Variants in CLCN7 observed in about 807,000 individuals in gnomAD.
CLCN7 encodes H(+)/Cl(-) exchange transporter 7.
A neutral mutation model predicts 102.1 loss-of-function variants in CLCN7; 60 were observed. The ratio of observed to expected loss-of-function variants is 0.59; its 90% CI spans 0.48 to 0.73. The LOEUF is 0.73. Ranked by LOEUF, CLCN7 falls within the 30% of genes least tolerant of loss-of-function variation. The pLI, the probability that CLCN7 is intolerant of heterozygous loss-of-function variation, is 0.00. For synonymous variants in CLCN7, 560 were observed against 490.5 expected (o/e 1.14, Z -1.87); for missense variants, 962 against 1,125.7 (o/e 0.85, Z 2.08).
At chr16:1,454,503 A>T in intron 12 of CLCN7, 38 bp from the exon 13 acceptor site, 1 of 1,581,218 alleles carries the variant, frequency 6.3e-7, no homozygotes, top group Non-Finnish European at 8.7e-7. Flanking sequence ...GATGTGAGGG[A>T]AAAGGCCCAC....
At chr16:1,461,198 T>C (rs568448360) in intron 4 of CLCN7, among the ~76,000 whole-genome samples, 61 of 152,374 alleles carry the variant, frequency 4.0e-4, no homozygotes, top group African/African-American at 1.4e-3. Flanking sequence ...GCACCGCATC[T>C]GGCGGCCGTA....
At chr16:1,472,296 T>C (rs1031967483) in intron 1 of CLCN7, among the ~76,000 whole-genome samples, 27 of 152,222 alleles carry the variant, frequency 1.8e-4, no homozygotes, top group African/African-American at 6.5e-4. Context: ...AATGGCGTGA[T>C]CTCGGCTCAG....
chr16:1,456,179 C>G lies in CLCN7; in HGVS notation c.850G>C (p.Glu284Gln). The G allele has an allele frequency of 6.4e-7, 1 of 1,568,024 alleles. No homozygotes were observed. Among genetic ancestry groups the G allele is most frequent in the Non-Finnish European group, 8.7e-7 (1 of 1,155,680 alleles). The change falls in exon 10 of 25, where the codon GAG becomes CAG. Residue 284 changes from glutamate (E) to glutamine (Q), a missense_variant. Physicochemically the swap from Glu to Gln is conservative, Grantham distance 29. This residue lies in a region of CLCN7 where 799 missense variants were observed against 988.0 expected (regional missense o/e 0.81). Coordinates refer to ENST00000382745, the MANE Select transcript of CLCN7 (RefSeq NM_001287.6). ...KIFEYFRRDT[E>Q]KRDFVSAGAA... Reference sequence around the variant, plus strand: ...CCTGCGGAGACGAAGTCCCGCTTCTCTGTGTCTCTGCGGAAGTACTCGAAG... The same window carrying G: ...CCTGCGGAGACGAAGTCCCGCTTCTGTGTGTCTCTGCGGAAGTACTCGAAG...
intron 2 of CLCN7, among the ~76,000 whole-genome samples, chr16:1,461,963 T>C (rs1006712281): frequency 3.3e-5 from 5 of 151,732 alleles, no homozygotes; most frequent in Non-Finnish European, 7.4e-5. Flanking sequence ...TGGGCGCCTG[T>C]AATCCCAGCT....
At chr16:1,454,497 T>G (rs1265929496) in intron 12 of CLCN7, 32 bp from the exon 13 acceptor site, 1 of 1,605,422 alleles carries the variant, frequency 6.2e-7, no homozygotes, top group African/African-American at 1.3e-5. Flanking sequence ...GCAGAGGATG[T>G]GAGGGAAAAG....
Position 1,446,646 on chromosome 16 carries a change from C to G in CLCN7, c.2403G>C (p.Ser801=), listed in dbSNP as rs948593358. 1 of 1,569,546 alleles carries G rather than the reference C, an allele frequency of 6.4e-7. No homozygotes were observed. Among genetic ancestry groups the G allele is most frequent in the Non-Finnish European group, 8.6e-7 (1 of 1,157,534 alleles). The change falls in exon 25 of 25, where the codon TCG becomes TCC. Residue 801 remains serine (S), a synonymous_variant. Transcript: ENST00000382745. The stretch of plus-strand genomic sequence containing the variant: ...GGGCTGGGCCTCACGTCTGGGCCAG[C>G]GAGAGCTCCTCCAAGCCTCTCTTTC... ...RLGKRGLEEL[S]LAQT
At chr16:1,459,842 A>G (rs1170800675) in intron 6 of CLCN7, among the ~76,000 whole-genome samples, 9 of 115,638 alleles carry the variant, frequency 7.8e-5, no homozygotes, top group Admixed American at 6.2e-4. Flanking sequence ...AGGGGAGCTC[A>G]GCACACACGT....
At chr16:1,465,841 G>A (rs2038998264) in intron 1 of CLCN7, among the ~76,000 whole-genome samples, 1 of 152,244 alleles carries the variant, frequency 6.6e-6, no homozygotes, top group Non-Finnish European at 1.5e-5. Context: ...GTCAGGCAGA[G>A]CTGGGTGGGG....
intron 2 of CLCN7, among the ~76,000 whole-genome samples, chr16:1,463,220 A>G (rs2038962623): frequency 6.6e-6 from 1 of 152,204 alleles, no homozygotes; most frequent in Non-Finnish European, 1.5e-5. Context: ...AAAGACCTAA[A>G]ACTGTAAAAT....
intron 12 of CLCN7, among the ~76,000 whole-genome samples, 156 bp downstream of exon 12, chr16:1,454,978 C>G (rs2038811169): frequency 1.3e-5 from 2 of 152,250 alleles, no homozygotes; most frequent in Non-Finnish European, 1.5e-5. Context: ...TGTCTTCCTG[C>G]AGCCCCTCGG....
In CLCN7 at chr16:1,448,428, A is replaced by G; in HGVS notation, c.1940T>C (p.Ile647Thr). The G allele has an allele frequency of 6.2e-7, 1 of 1,612,394 alleles. No individual in the cohort carries two copies. The highest frequency in any genetic ancestry group is 8.5e-7 in the Non-Finnish European group (1 of 1,179,934). The part of the protein sequence containing the change: ...CLRRREKVGV[I>T]VDVLSDTASN... ...CGCCGTGTCGCTCAGCACGTCCACAATGACGCCGACCTTCTCACGCCGCCT... is the reference window on the plus strand; with the variant it reads ...CGCCGTGTCGCTCAGCACGTCCACAGTGACGCCGACCTTCTCACGCCGCCT... The change falls in exon 21 of 25, where the codon ATT (isoleucine) becomes ACT (threonine). Residue 647 changes from isoleucine (I) to threonine (T), a missense_variant. Around this residue, in one of 2 missense-constraint regions of CLCN7, gnomAD observed 799 missense variants for 988.0 expected, o/e 0.81. Coordinates refer to ENST00000382745, the MANE Select transcript of CLCN7 (RefSeq NM_001287.6).
rs1183089444 is a variant in CLCN7 at position 1,457,865 on chromosome 16, C to T, written c.676-109G>A. 69 of 1,091,514 alleles carry T rather than the reference C, an allele frequency of 6.3e-5. No homozygotes were observed. Among genetic ancestry groups the T allele is most frequent in the Middle Eastern group, 3.9e-4 (2 of 5,098 alleles). 67.6% of individuals were successfully genotyped at this position (1,091,514 alleles called of 1,614,324 possible). A position where few individuals can be genotyped will look rare whatever the true frequency, so the allele number is the denominator to read the frequency against. ...CCGATCAGGCAGAGTGGCTGGGACA[C>T]GGGGCCTCCGGGAGGGGGCCAGCAC... On this transcript the variant is annotated intron_variant, in intron 7 of 24. Transcript: ENST00000382745. This position sits in a 1 kb window ranked among gnomAD's most constrained non-coding sequence, Gnocchi z 5.4.
rs932179269 is a variant in CLCN7 at position 1,450,509 on chromosome 16, G to C, written c.1605C>G (p.Leu535=). Reference sequence around the variant, plus strand: ...CGGCCCCACTCACCGCCGCCCCCGTGAGGTAGGACAGGGAGATCCCAAAGA... The same window carrying C: ...CGGCCCCACTCACCGCCGCCCCCGTCAGGTAGGACAGGGAGATCCCAAAGA... ...GRLFGISLSY[L]TGAAIWADPG... Residue 535 remains leucine, a synonymous_variant, in exon 17 of 25, where the codon CTC becomes CTG. Transcript: ENST00000382745. The C allele has an allele frequency of 2.5e-6, 4 of 1,606,244 alleles. No individual in the cohort carries two copies. The highest frequency in any genetic ancestry group is 3.4e-4 in the Middle Eastern group (2 of 5,948).
rs1334783743 is a variant in CLCN7, at chr16:1,475,000, G to T, written c.-26C>A. 6.9e-7 allele frequency: 1 copy of T among 1,439,216 alleles called. No homozygotes were observed. Among genetic ancestry groups the T allele is most frequent in the South Asian group, 1.4e-5 (1 of 72,750 alleles). 89.2% of individuals were successfully genotyped at this position (1,439,216 alleles called of 1,614,324 possible). A position where few individuals can be genotyped will look rare whatever the true frequency, so the allele number is the denominator to read the frequency against. ...GGCCCGCCGCGGAGCGACACCGGCC[G>T]GGAAGCGCCGGCTGCCCCCGTGTTT... On this transcript the variant is annotated 5_prime_UTR_variant, in exon 1 of 25. Transcript: ENST00000382745.
chr16:1,449,035 G>A lies in CLCN7; in HGVS notation c.1728C>T (p.Asn576=), dbSNP rs772664007. The change falls in exon 19 of 25, where the codon AAC becomes AAT. Residue 576 remains asparagine, a synonymous_variant. Coordinates refer to ENST00000382745, the MANE Select transcript of CLCN7 (RefSeq NM_001287.6). ...LTVIMMEATS[N]VTYGFPIMLV... ...GCATGATGGGGAAGCCGTAGGTCACGTTGCTGGTGGCCTCCATCATGATGA... is the reference window on the plus strand; with the variant it reads ...GCATGATGGGGAAGCCGTAGGTCACATTGCTGGTGGCCTCCATCATGATGA... 1.1e-5 allele frequency: 18 copies of A among 1,612,748 alleles called. No individual in the cohort carries two copies. The highest frequency in any genetic ancestry group is 8.3e-5 in the Admixed American group (5 of 60,004).
Position 1,457,663 on chromosome 16 carries a change from C to A in CLCN7, c.738+31G>T. On this transcript the variant is annotated intron_variant, in intron 8 of 24. Coordinates refer to ENST00000382745, the MANE Select transcript of CLCN7 (RefSeq NM_001287.6). The surrounding 1 kb of genome is among the most constrained non-coding windows in gnomAD (Gnocchi z 5.4). ...CTCGCGGGCCCGGCGGCCTCAGGCT[C>A]CAGCTGGAGTGGCCATGTGCACTTT... 1 of 1,611,880 alleles carries A rather than the reference C, an allele frequency of 6.2e-7. No homozygotes were observed. The highest frequency in any genetic ancestry group is 8.5e-7 in the Non-Finnish European group (1 of 1,179,052).
At position 1,445,054 on chromosome 16, in the gene CLCN7, G is replaced by A. The variant is rs1447263686; in HGVS notation, c.*1577C>T. The stretch of plus-strand genomic sequence containing the variant: ...CCTAGGTTTCCGGCGCCGACTCTGA[G>A]GCCCGGGAGTTTTCTTCTTGCGTCA... On this transcript the variant is annotated 3_prime_UTR_variant, in exon 25 of 25. Coordinates refer to ENST00000382745, the MANE Select transcript of CLCN7 (RefSeq NM_001287.6). 1.3e-5 allele frequency: 2 copies of A among 152,280 alleles called. No individual in the cohort carries two copies. The highest frequency in any genetic ancestry group is 2.9e-5 in the Non-Finnish European group (2 of 68,078). The allele number at this position is 152,280 out of a possible 1,614,324, so 9.4% of individuals were successfully genotyped here. A position where few individuals can be genotyped will look rare whatever the true frequency, so the allele number is the denominator to read the frequency against.
rs770644432 is a variant in CLCN7, at chr16:1,474,943, G to A, written c.32C>T (p.Ser11Phe). 1.4e-5 allele frequency: 21 copies of A among 1,490,028 alleles called. No homozygotes were observed. The highest frequency in any genetic ancestry group is 1.8e-5 in the Non-Finnish European group (20 of 1,125,346). The allele number at this position is 1,490,028 out of a possible 1,614,324, so 92.3% of individuals were successfully genotyped here. A position where few individuals can be genotyped will look rare whatever the true frequency, so the allele number is the denominator to read the frequency against. Residue 11 changes from serine to phenylalanine, a missense_variant, in exon 1 of 25, where the codon TCC becomes TTC. Ser to Phe is a radical substitution (Grantham distance 155). Coordinates refer to ENST00000382745, the MANE Select transcript of CLCN7 (RefSeq NM_001287.6). MANVSKKVSW[S>F]GRDRDDEEAA... ...CTCCTCGTCGTCCCGGTCCCGGCCG[G>A]ACCAGGACACCTTCTTAGAGACGTT...
At chr16:1,462,601 C>A (rs945882033) in intron 2 of CLCN7, among the ~76,000 whole-genome samples, 1 of 146,714 alleles carries the variant, frequency 6.8e-6, no homozygotes, top group Non-Finnish European at 1.5e-5. Context: ...GTCTCAAACT[C>A]TTGGCCTCAA....
Sources: gnomAD v4.1 joint callset for allele counts (sites outside exome capture counted in the v4.1 genomes callset) on GRCh38, gnomAD v4.1.1 for gene constraint, gnomAD v4.1.1 regional missense constraint, Gnocchi (gnomAD v3.1) non-coding constraint, MANE v1.5 for transcripts, NCBI Gene and HGNC (gene_info 2026-07-23, HGNC 2026-07-21) for gene names.